The following GPC5 variants were observed in gnomAD, a reference collection of about 807,000 sequenced individuals.
The protein encoded by GPC5 is glypican 5.
In GPC5, 47 loss-of-function variants were observed where a neutral mutation model predicts 53.9. The ratio of observed to expected loss-of-function variants is 0.87; its 90% CI spans 0.69 to 1.11. GPC5 has a LOEUF of 1.11. Among genes scored for constraint, GPC5 ranks in the 50% most tolerant of loss-of-function variants. GPC5 has a pLI of 0.00. For synonymous variants in GPC5, 286 were observed against 263.3 expected (o/e 1.09, Z -0.84); for missense variants, 748 against 713.1 (o/e 1.05, Z -0.56).
At chr13:91,402,288 T>C (rs1877012871) in intron 1 of GPC5, among the ~76,000 whole-genome samples, 1 of 152,210 alleles carries the variant, frequency 6.6e-6, no homozygotes, top group Non-Finnish European at 1.5e-5. Context: ...CTTGGTAGAT[T>C]TTGGCTATAA....
chr13:92,286,501 A>G (rs953504285), intron 7 of GPC5, among the ~76,000 whole-genome samples: 3 of 152,142 alleles, frequency 2.0e-5, no homozygotes, highest in African/African-American at 7.2e-5. Context: ...TCCATCAATG[A>G]TAGACTGGAT....
intron 6 of GPC5, among the ~76,000 whole-genome samples, chr13:92,137,993 G>A (rs2041798454): frequency 6.6e-6 from 1 of 152,120 alleles, no homozygotes; most frequent in Non-Finnish European, 1.5e-5. Context: ...TGTTGACAGT[G>A]GGGGAAGCTG....
chr13:91,874,108 C>T (rs899427703), intron 5 of GPC5, among the ~76,000 whole-genome samples: 5 of 152,184 alleles, frequency 3.3e-5, no homozygotes, highest in Non-Finnish European at 7.3e-5. Context: ...ATGCCTGGAA[C>T]ATAGTAAGCA....
At chr13:91,555,637 C>A (rs2030902650) in intron 2 of GPC5, among the ~76,000 whole-genome samples, 1 of 151,988 alleles carries the variant, frequency 6.6e-6, no homozygotes. Flanking sequence ...TTAGTCTGTA[C>A]TCATGTTGCT....
intron 7 of GPC5, among the ~76,000 whole-genome samples, chr13:92,296,691 T>G (rs1463891948): frequency 6.6e-6 from 1 of 152,142 alleles, no homozygotes; most frequent in Admixed American, 6.5e-5. Flanking sequence ...GAACCGGGGC[T>G]GCGTGCGGCG....
chr13:91,609,685 A>G lies in GPC5; in HGVS notation c.326-83502A>G, dbSNP rs566495837. Among the ~76,000 whole-genome samples the G allele has an allele frequency of 1.9e-3, 296 of 152,346 alleles. 1 individual carries two copies. Among genetic ancestry groups the G allele is most frequent in the African/African-American group, 6.8e-3 (282 of 41,572 alleles). On this transcript the variant is annotated intron_variant, in intron 2 of 7. Coordinates refer to ENST00000377067, the MANE Select transcript of GPC5 (RefSeq NM_004466.6). ...CCCCCAAGGCTCAGGAAAGCTGGCCAGAGTGAATGGAATCTTGTCTGTGCC... is the reference window on the plus strand; with the variant it reads ...CCCCCAAGGCTCAGGAAAGCTGGCCGGAGTGAATGGAATCTTGTCTGTGCC...
intron 5 of GPC5, among the ~76,000 whole-genome samples, chr13:91,810,397 T>C (rs2038291322): frequency 6.6e-6 from 1 of 152,002 alleles, no homozygotes; most frequent in Admixed American, 6.6e-5. Flanking sequence ...CCTTATGTTA[T>C]AGTGCCAGGG....
At chr13:91,688,730 C>A (rs1477779473) in intron 2 of GPC5, among the ~76,000 whole-genome samples, 2 of 152,138 alleles carry the variant, frequency 1.3e-5, no homozygotes, top group Non-Finnish European at 2.9e-5. Context: ...TTAGAGTCTG[C>A]TACACACCTA....
chr13:92,063,004 G>T (rs2041137242), intron 6 of GPC5, among the ~76,000 whole-genome samples: 1 of 151,426 alleles, frequency 6.6e-6, no homozygotes, highest in African/African-American at 2.5e-5. Flanking sequence ...GCATATGAAG[G>T]AGAGATAGTA....
intron 7 of GPC5, among the ~76,000 whole-genome samples, chr13:92,175,800 A>T (rs1259370847): frequency 1.3e-5 from 2 of 152,162 alleles, no homozygotes; most frequent in Non-Finnish European, 2.9e-5. Context: ...AGAAAAAAAA[A>T]ACATCTCCCT....
intron 5 of GPC5, among the ~76,000 whole-genome samples, chr13:91,858,070 T>C (rs2038986640): frequency 6.6e-6 from 1 of 151,750 alleles, no homozygotes; most frequent in Non-Finnish European, 1.5e-5. Flanking sequence ...TTTATTATTG[T>C]TTTTAGTAAT....
chr13:91,922,238 A>C (rs2039722605), intron 6 of GPC5, among the ~76,000 whole-genome samples: 3 of 152,164 alleles, frequency 2.0e-5, no homozygotes, highest in African/African-American at 7.2e-5. Flanking sequence ...TGTCTTTAAA[A>C]ATATAAGTAT....
intron 6 of GPC5, among the ~76,000 whole-genome samples, chr13:92,092,556 A>C (rs540778648): frequency 6.6e-6 from 1 of 152,306 alleles, no homozygotes; most frequent in African/African-American, 2.4e-5. Flanking sequence ...TTATATTTGG[A>C]ATCTTATATC....
intron 7 of GPC5, among the ~76,000 whole-genome samples, chr13:92,673,288 C>CT (rs150927746): frequency 0.14 from 20,771 of 144,828 alleles, 1,507 homozygotes; most frequent in Admixed American, 0.17. Flanking sequence ...TTTTCTTTTT[C>CT]TTTTTTTTTT....
chr13:91,967,351 A>C (rs2040190968), intron 6 of GPC5, among the ~76,000 whole-genome samples: 1 of 152,186 alleles, frequency 6.6e-6, no homozygotes, highest in Admixed American at 6.5e-5. Context: ...AAACCATATT[A>C]CATATTTATC....
chr13:91,803,117 A>G (rs1406161691), intron 5 of GPC5, among the ~76,000 whole-genome samples: 1 of 152,170 alleles, frequency 6.6e-6, no homozygotes, highest in Non-Finnish European at 1.5e-5. Context: ...TTTAGTAATT[A>G]TGATGGAAAC....
At chr13:92,179,695 A>G (rs1459648184) in intron 7 of GPC5, among the ~76,000 whole-genome samples, 2 of 152,242 alleles carry the variant, frequency 1.3e-5, no homozygotes, top group Non-Finnish European at 2.9e-5. Flanking sequence ...ACATACAAGA[A>G]AAATATTCAG....
intron 7 of GPC5, among the ~76,000 whole-genome samples, chr13:92,347,688 A>G (rs2139259702): frequency 6.7e-6 from 1 of 148,752 alleles, no homozygotes; most frequent in Non-Finnish European, 1.5e-5. Context: ...TACAAGAATT[A>G]AAAGGCAAAA....
At chr13:91,498,452 G>A (rs892062349) in intron 2 of GPC5, among the ~76,000 whole-genome samples, 13 of 151,936 alleles carry the variant, frequency 8.6e-5, no homozygotes, top group African/African-American at 1.5e-4. Flanking sequence ...CAATGGGTCC[G>A]CATGTGATGG....
Sources: gnomAD v4.1 joint callset for allele counts (sites outside exome capture counted in the v4.1 genomes callset) on GRCh38, gnomAD v4.1.1 for gene constraint, MANE v1.5 for transcripts, NCBI Gene and HGNC (gene_info 2026-07-23, HGNC 2026-07-21) for gene names.